The following HCN1 variants were observed in gnomAD, a reference collection of about 807,000 sequenced individuals.
The protein encoded by HCN1 is potassium/sodium hyperpolarization-activated cyclic nucleotide-gated channel 1.
HCN1 carries 13 observed loss-of-function variants against 78.9 expected under a neutral mutation model. That is an observed-to-expected ratio of 0.16 (90% confidence interval 0.11 to 0.26). HCN1 has a LOEUF of 0.26. Among genes scored for constraint, HCN1 ranks in the 10% least tolerant of loss-of-function variants. HCN1 has a pLI of 1.00. For synonymous variants in HCN1, 552 were observed against 455.5 expected (o/e 1.21, Z -2.70); for missense variants, 810 against 1,154.3 (o/e 0.70, Z 4.32).
rs978456059 is a variant in HCN1, at chr5:45,585,045, C to T, written c.849+60140G>A. 6.6e-4 allele frequency among the ~76,000 whole-genome samples: 101 copies of T among 152,176 alleles called. 2 individuals carry two copies. Among genetic ancestry groups the T allele is most frequent in the Non-Finnish European group, 3.1e-4 (21 of 68,040 alleles). ...TCTCGAGCAGTATCACTGGGGCATTCTCTGTGTTTCCTGAATTTGAATGTT... is the reference window on the plus strand; with the variant it reads ...TCTCGAGCAGTATCACTGGGGCATTTTCTGTGTTTCCTGAATTTGAATGTT... On this transcript the variant is annotated intron_variant, in intron 2 of 7. Transcript: ENST00000303230.
At chr5:45,582,052 G>A (rs1744088479) in intron 2 of HCN1, among the ~76,000 whole-genome samples, 1 of 152,104 alleles carries the variant, frequency 6.6e-6, no homozygotes, top group South Asian at 2.1e-4. Context: ...TTCCAATTCT[G>A]TGAAGAAAGT....
chr5:45,463,398 G>C (rs142772870), intron 2 of HCN1, among the ~76,000 whole-genome samples: 2 of 151,910 alleles, frequency 1.3e-5, no homozygotes, highest in African/African-American at 4.8e-5. Context: ...TGAGCAAAAA[G>C]ATTTTTTTCG....
At chr5:45,491,220 A>C (rs1741878568) in intron 2 of HCN1, among the ~76,000 whole-genome samples, 1 of 152,238 alleles carries the variant, frequency 6.6e-6, no homozygotes, top group South Asian at 2.1e-4. Context: ...TTTTGGAAAT[A>C]AATTTTATAT....
At chr5:45,494,905 G>T (rs1349162383) in intron 2 of HCN1, among the ~76,000 whole-genome samples, 1 of 151,280 alleles carries the variant, frequency 6.6e-6, no homozygotes, top group African/African-American at 2.4e-5. Flanking sequence ...AGATCAGATA[G>T]TTGTAGATAT....
At chr5:45,655,567 CCTAT>C (rs1401903386) in intron 1 of HCN1, among the ~76,000 whole-genome samples, 1 of 152,118 alleles carries the variant, frequency 6.6e-6, no homozygotes, top group Non-Finnish European at 1.5e-5. Context: ...TTATCAGTCA[CCTAT>C]CTGAGCAGGT....
intron 1 of HCN1, among the ~76,000 whole-genome samples, chr5:45,692,649 C>T (rs1580053346): frequency 1.3e-5 from 2 of 152,156 alleles, no homozygotes; most frequent in South Asian, 4.1e-4. Flanking sequence ...CCTACTTACG[C>T]CAGGGGTAGA....
At chr5:45,529,726 T>G (rs1742801879) in intron 2 of HCN1, among the ~76,000 whole-genome samples, 1 of 152,102 alleles carries the variant, frequency 6.6e-6, no homozygotes, top group Admixed American at 6.6e-5. Context: ...CTTAAGGAAA[T>G]CTAGTATTCC....
At chr5:45,419,215 A>G (rs1171810766) in intron 3 of HCN1, among the ~76,000 whole-genome samples, 1 of 152,182 alleles carries the variant, frequency 6.6e-6, no homozygotes, top group African/African-American at 2.4e-5. Context: ...CAACTAGGAT[A>G]GGAAAGCATC....
chr5:45,560,573 T>A (rs1449298113), intron 2 of HCN1, among the ~76,000 whole-genome samples: 3 of 152,024 alleles, frequency 2.0e-5, no homozygotes, highest in African/African-American at 7.2e-5. Flanking sequence ...GAAATAGTGA[T>A]ACATTGACCA....
chr5:45,476,820 C>T (rs1193651528), intron 2 of HCN1, among the ~76,000 whole-genome samples: 3 of 151,956 alleles, frequency 2.0e-5, no homozygotes, highest in South Asian at 2.1e-4. Flanking sequence ...AAATTCTGCA[C>T]GAGTACTTAA....
intron 2 of HCN1, among the ~76,000 whole-genome samples, chr5:45,583,707 G>A (rs1042603946): frequency 6.6e-6 from 1 of 152,084 alleles, no homozygotes; most frequent in African/African-American, 2.4e-5. Context: ...ATGTGTCCCA[G>A]AGATTCTGGT....
intron 2 of HCN1, among the ~76,000 whole-genome samples, chr5:45,549,652 C>G (rs2111851197): frequency 6.6e-6 from 1 of 152,242 alleles, no homozygotes; most frequent in African/African-American, 2.4e-5. Context: ...CAAATGGGAT[C>G]TAATTAAACT....
intron 4 of HCN1, among the ~76,000 whole-genome samples, chr5:45,360,184 T>C (rs995247673): frequency 2.0e-5 from 3 of 151,618 alleles, no homozygotes; most frequent in South Asian, 4.2e-4. Context: ...ACAGCAATGC[T>C]AAAATGGTTT....
In HCN1 at chr5:45,665,738, A is replaced by T. The variant is rs530043882; in HGVS notation, c.426-20130T>A. Among the ~76,000 whole-genome samples, 3 of 152,242 alleles carry T rather than the reference A, an allele frequency of 2.0e-5. No homozygotes were observed. In the South Asian group the frequency reaches 6.2e-4, roughly 32 times the overall value. ...ATTATTTCAAAACCCATATGGTGTC[A>T]CATAACAGAAAAGATTAAAAGAGAA... On this transcript the variant is annotated intron_variant, in intron 1 of 7. Coordinates refer to ENST00000303230, the MANE Select transcript of HCN1 (RefSeq NM_021072.4).
intron 2 of HCN1, among the ~76,000 whole-genome samples, chr5:45,619,913 T>C (rs1171343581): frequency 6.6e-6 from 1 of 151,998 alleles, no homozygotes; most frequent in East Asian, 1.9e-4. Flanking sequence ...GAACAGAGTA[T>C]GGGAAAGGAA....
intron 3 of HCN1, among the ~76,000 whole-genome samples, chr5:45,408,378 A>G (rs1180626317): frequency 1.3e-5 from 2 of 151,914 alleles, no homozygotes; most frequent in Non-Finnish European, 2.9e-5. Context: ...TTTATACTGT[A>G]TTTTTATTAT....
intron 2 of HCN1, among the ~76,000 whole-genome samples, chr5:45,617,630 C>A (rs550954009): frequency 2.0e-5 from 3 of 152,178 alleles, no homozygotes; most frequent in Non-Finnish European, 2.9e-5. Flanking sequence ...AACCTCTTAA[C>A]AATTTCTGCC....
At chr5:45,525,448 C>T (rs575611155) in intron 2 of HCN1, among the ~76,000 whole-genome samples, 3 of 141,704 alleles carry the variant, frequency 2.1e-5, no homozygotes, top group Admixed American at 6.8e-5. Flanking sequence ...GGTTTAATAT[C>T]GACATCAAAT....
chr5:45,429,143 C>A (rs1740413238), intron 3 of HCN1, among the ~76,000 whole-genome samples: 1 of 152,122 alleles, frequency 6.6e-6, no homozygotes, highest in Non-Finnish European at 1.5e-5. Context: ...AATGTGCACT[C>A]TGAGAATCAC....
Sources: allele counts gnomAD v4.1 joint callset (sites outside exome capture counted in the v4.1 genomes callset), GRCh38; gene constraint gnomAD v4.1.1; transcripts MANE v1.5; gene names NCBI Gene and HGNC (gene_info 2026-07-23, HGNC 2026-07-21).